Variants in PDZRN4 observed in about 807,000 individuals in gnomAD.
The protein encoded by PDZRN4 is PDZ domain-containing RING finger protein 4.
PDZRN4 carries 70 observed loss-of-function variants against 99.0 expected under a neutral mutation model. The ratio of observed to expected loss-of-function variants is 0.71; its 90% CI spans 0.58 to 0.86. PDZRN4 has a LOEUF of 0.86. Among genes scored for constraint, PDZRN4 ranks in the 40% least tolerant of loss-of-function variants. The probability of loss-of-function intolerance (pLI) is 0.00; values close to 1 mark genes in which losing one functional copy is unlikely to be tolerated. For synonymous variants in PDZRN4, 551 were observed against 501.6 expected, an observed-to-expected ratio of 1.10 and a Z score of -1.32; for missense variants, 1,474 against 1,331.2, an observed-to-expected ratio of 1.11 and a Z score of -1.67.
intron 3 of PDZRN4, among the ~76,000 whole-genome samples, chr12:41,198,157 A>G (rs1950790349): frequency 6.6e-6 from 1 of 151,886 alleles, no homozygotes; most frequent in African/African-American, 2.4e-5. Context: ...GGCTCAAGCG[A>G]CCTGTCCACC....
At chr12:41,252,957 C>G (rs890181427) in intron 3 of PDZRN4, among the ~76,000 whole-genome samples, 1 of 151,954 alleles carries the variant, frequency 6.6e-6, no homozygotes, top group African/African-American at 2.4e-5. Context: ...AATTATATCT[C>G]AACAAAGTTG....
rs1951860681 is a variant in PDZRN4, at chr12:41,347,323, T to C, written c.843+153135T>C. Among the ~76,000 whole-genome samples, 3 of 152,182 alleles carry C rather than the reference T, an allele frequency of 2.0e-5. 1 individual carries two copies. The highest frequency in any genetic ancestry group is 4.4e-5 in the Non-Finnish European group (3 of 68,012). ...TCTTCAGCACTTCCTATTGTGTTTTTTATTATAGCTATCTTTATGGGTATG... is the reference window on the plus strand; with the variant it reads ...TCTTCAGCACTTCCTATTGTGTTTTCTATTATAGCTATCTTTATGGGTATG... On this transcript the variant is annotated intron_variant, in intron 3 of 9. Coordinates refer to ENST00000402685, the MANE Select transcript of PDZRN4 (RefSeq NM_001164595.2).
At chr12:41,545,054 G>A (rs956399895) in intron 5 of PDZRN4, among the ~76,000 whole-genome samples, 1 of 152,166 alleles carries the variant, frequency 6.6e-6, no homozygotes, top group Non-Finnish European at 1.5e-5. Flanking sequence ...GGTAACATTC[G>A]CTTAATCCCT....
intron 3 of PDZRN4, among the ~76,000 whole-genome samples, chr12:41,307,747 A>C (rs989750081): frequency 6.6e-6 from 1 of 152,124 alleles, no homozygotes; most frequent in Non-Finnish European, 1.5e-5. Flanking sequence ...ACTCTTGATT[A>C]CATATGAAAA....
chr12:41,563,364 C>T (rs901943872), intron 7 of PDZRN4, among the ~76,000 whole-genome samples, 184 bp from the exon 8 acceptor site: 2 of 152,096 alleles, frequency 1.3e-5, no homozygotes, highest in East Asian at 3.9e-4. Flanking sequence ...CTTCACGGAT[C>T]GATATGGCTC....
chr12:41,488,137 G>A (rs1002242638), intron 3 of PDZRN4, among the ~76,000 whole-genome samples: 3 of 152,066 alleles, frequency 2.0e-5, no homozygotes, highest in African/African-American at 7.2e-5. Flanking sequence ...CCTTTTAGCC[G>A]TGCAAAACTA....
At chr12:41,254,188 A>C (rs1951189485) in intron 3 of PDZRN4, among the ~76,000 whole-genome samples, 1 of 152,152 alleles carries the variant, frequency 6.6e-6, no homozygotes, top group Non-Finnish European at 1.5e-5. Flanking sequence ...AGGAAAAAAA[A>C]GTATACATCA....
chr12:41,188,489 G>T lies in PDZRN4; in HGVS notation c.34G>T (p.Val12Leu). 1.3e-6 allele frequency: 2 copies of T among 1,592,238 alleles called. No homozygotes were observed. Among genetic ancestry groups the T allele is most frequent in the Non-Finnish European group, 1.7e-6 (2 of 1,176,978 alleles). The change falls in exon 1 of 10, where the codon GTG (valine) becomes TTG (leucine). Residue 12 changes from valine (V) to leucine (L), a missense_variant. Coordinates refer to ENST00000402685, the MANE Select transcript of PDZRN4 (RefSeq NM_001164595.2). ...GFALERFAEAVDPALECKLCG... is the reference protein window; with the variant it reads ...GFALERFAEALDPALECKLCG... ...TGCCCTGGAGCGCTTCGCAGAAGCC[G>T]TGGACCCGGCTCTGGAGTGCAAACT...
intron 3 of PDZRN4, among the ~76,000 whole-genome samples, chr12:41,316,607 A>G (rs1434797421): frequency 2.6e-5 from 4 of 152,050 alleles, no homozygotes; most frequent in Non-Finnish European, 4.4e-5. Flanking sequence ...AGAGGATTCC[A>G]ATACATGGCA....
chr12:41,485,940 T>G (rs547771253), intron 3 of PDZRN4, among the ~76,000 whole-genome samples: 2 of 152,292 alleles, frequency 1.3e-5, no homozygotes, highest in South Asian at 4.1e-4. Context: ...TGAGATAGAC[T>G]AAGACAACAT....
At chr12:41,393,715 G>GTA (rs1952226238) in intron 3 of PDZRN4, among the ~76,000 whole-genome samples, 1 of 152,122 alleles carries the variant, frequency 6.6e-6, no homozygotes, top group Admixed American at 6.5e-5. Context: ...TCTCTATGTA[G>GTA]GGCTGACTGA....
chr12:41,496,460 A>G (rs1480858768), intron 3 of PDZRN4, among the ~76,000 whole-genome samples: 2 of 152,078 alleles, frequency 1.3e-5, no homozygotes, highest in East Asian at 1.9e-4. Context: ...GAGTTTCAGT[A>G]ACTTTCTCAA....
chr12:41,462,577 G>T (rs1222034809), intron 3 of PDZRN4, among the ~76,000 whole-genome samples: 1 of 152,078 alleles, frequency 6.6e-6, no homozygotes, highest in African/African-American at 2.4e-5. Context: ...ATATCTTTAG[G>T]AAGACCTAGG....
chr12:41,478,038 G>T (rs1937621143), intron 3 of PDZRN4: 1 of 653,696 alleles, frequency 1.5e-6, no homozygotes, highest in African/African-American at 1.8e-5. Context: ...TGTGACCACT[G>T]GTTCTGTGTC....
chr12:41,300,782 G>A (rs1951530741), intron 3 of PDZRN4, among the ~76,000 whole-genome samples: 3 of 151,888 alleles, frequency 2.0e-5, no homozygotes, highest in Admixed American at 2.0e-4. Flanking sequence ...ATAACTTTGT[G>A]ATTTTTCAGA....
chr12:41,422,413 C>T (rs1952497517), intron 3 of PDZRN4, among the ~76,000 whole-genome samples: 2 of 152,110 alleles, frequency 1.3e-5, no homozygotes, highest in South Asian at 2.1e-4. Context: ...TAAAACTCCA[C>T]TAGAAATGGA....
intron 3 of PDZRN4, among the ~76,000 whole-genome samples, chr12:41,349,788 G>C (rs1951878111): frequency 6.6e-6 from 1 of 151,766 alleles, no homozygotes; most frequent in South Asian, 2.1e-4. Flanking sequence ...TCATAACAGA[G>C]GTATATGTAT....
At chr12:41,382,903 T>C (rs564144325) in intron 3 of PDZRN4, among the ~76,000 whole-genome samples, 1 of 152,358 alleles carries the variant, frequency 6.6e-6, no homozygotes, top group African/African-American at 2.4e-5. Flanking sequence ...ATAAAGCTGG[T>C]CTTTTTTTGC....
chr12:41,440,844 TTAATA>T (rs1707072598), intron 3 of PDZRN4, among the ~76,000 whole-genome samples: 1 of 152,158 alleles, frequency 6.6e-6, no homozygotes, highest in Non-Finnish European at 1.5e-5. Flanking sequence ...CTCTTATGAA[TTAATA>T]AAGGAGTAAT....
Sources: gnomAD v4.1 joint callset for allele counts (sites outside exome capture counted in the v4.1 genomes callset) on GRCh38, gnomAD v4.1.1 for gene constraint, MANE v1.5 for transcripts, NCBI Gene and HGNC (gene_info 2026-07-23, HGNC 2026-07-21) for gene names.